Variants in APBA2 observed in about 807,000 individuals in gnomAD.
APBA2 encodes amyloid-beta A4 precursor protein-binding family A member 2.
A neutral mutation model predicts 75.0 loss-of-function variants in APBA2; 30 were observed. That is an observed-to-expected ratio of 0.40 (90% CI 0.30 to 0.54). The LOEUF is 0.54. Ranked by LOEUF, APBA2 falls within the 20% of genes least tolerant of loss-of-function variation. The probability of loss-of-function intolerance (pLI) is 0.49; values close to 1 mark genes in which losing one functional copy is unlikely to be tolerated. For synonymous variants in APBA2, 444 were observed against 409.6 expected (o/e 1.08, Z -1.01); for missense variants, 801 against 1,016.1 (o/e 0.79, Z 2.88).
chr15:28,934,500 G>A (rs952567213), intron 2 of APBA2, among the ~76,000 whole-genome samples: 2 of 152,204 alleles, frequency 1.3e-5, no homozygotes, highest in African/African-American at 2.4e-5. Context: ...GTAGTGACCA[G>A]TGACATCCCC....
chr15:28,961,982 G>A (rs900173665), intron 2 of APBA2, among the ~76,000 whole-genome samples: 4 of 152,150 alleles, frequency 2.6e-5, no homozygotes, highest in Non-Finnish European at 5.9e-5. Flanking sequence ...AGAAAAGGCC[G>A]GGTGGCATGT....
At chr15:29,076,546 G>A (rs2042860917) in intron 6 of APBA2, among the ~76,000 whole-genome samples, 1 of 151,650 alleles carries the variant, frequency 6.6e-6, no homozygotes, top group Non-Finnish European at 1.5e-5. Context: ...GAATGAAACT[G>A]GTCGATATGT....
At chr15:29,039,996 G>A (rs2152860835) in intron 3 of APBA2, among the ~76,000 whole-genome samples, 1 of 152,328 alleles carries the variant, frequency 6.6e-6, no homozygotes, top group South Asian at 2.1e-4. Context: ...ACTGATTTGG[G>A]AAATAGCACA....
intron 1 of APBA2, among the ~76,000 whole-genome samples, chr15:28,906,778 C>T (rs940651392): frequency 2.0e-5 from 3 of 152,158 alleles, no homozygotes; most frequent in African/African-American, 7.2e-5. Context: ...GTGCTTAATA[C>T]TAATTTGAAT....
intron 3 of APBA2, among the ~76,000 whole-genome samples, chr15:29,039,504 C>G (rs947533095): frequency 3.3e-5 from 5 of 152,086 alleles, no homozygotes; most frequent in Admixed American, 6.5e-5. Context: ...TGTCAGCCAC[C>G]CAGAGTGTCC....
intron 2 of APBA2, among the ~76,000 whole-genome samples, chr15:28,978,916 T>A (rs2037478543): frequency 2.0e-5 from 3 of 152,234 alleles, no homozygotes; most frequent in African/African-American, 7.2e-5. Context: ...AGCATTTGAT[T>A]AGTCCAAAGG....
At chr15:29,093,826 CCAGCCCT>C (rs2043706967) in intron 7 of APBA2, among the ~76,000 whole-genome samples, 2 of 152,268 alleles carry the variant, frequency 1.3e-5, no homozygotes, top group African/African-American at 4.8e-5. Flanking sequence ...AACCTCCTCC[CCAGCCCT>C]CACCATACAC....
At chr15:28,917,263 A>G (rs1030135150) in intron 1 of APBA2, among the ~76,000 whole-genome samples, 52 of 152,186 alleles carry the variant, frequency 3.4e-4, no homozygotes, top group African/African-American at 1.2e-3. Flanking sequence ...ACACTCCTCA[A>G]TTTGGAGAGA....
intron 3 of APBA2, among the ~76,000 whole-genome samples, chr15:29,025,263 ATT>A (rs199811660): frequency 1.2e-3 from 166 of 138,054 alleles, no homozygotes; most frequent in South Asian, 4.4e-3. Flanking sequence ...AAGAATTGGG[ATT>A]TTTTTTTTTT....
chr15:29,041,275 G>A (rs1450989670), intron 3 of APBA2, among the ~76,000 whole-genome samples: 2 of 151,988 alleles, frequency 1.3e-5, no homozygotes, highest in Non-Finnish European at 2.9e-5. Flanking sequence ...GTTTAAGATC[G>A]GCATGGGCAA....
At chr15:28,972,694 G>A (rs967627796) in intron 2 of APBA2, among the ~76,000 whole-genome samples, 5 of 152,214 alleles carry the variant, frequency 3.3e-5, no homozygotes, top group Non-Finnish European at 7.3e-5. Flanking sequence ...GAATCAGCTG[G>A]CATTAGTGAT....
chr15:28,913,805 G>A (rs952215918), intron 1 of APBA2, among the ~76,000 whole-genome samples: 22 of 152,162 alleles, frequency 1.4e-4, no homozygotes, highest in African/African-American at 3.9e-4. Flanking sequence ...CATTGTATTC[G>A]GTGACTTTGA....
At chr15:28,902,875 C>G (rs951204066) in intron 1 of APBA2, among the ~76,000 whole-genome samples, 3 of 152,130 alleles carry the variant, frequency 2.0e-5, no homozygotes, top group South Asian at 2.1e-4. Context: ...CTTTACTGTT[C>G]CCATGAAAAC....
intron 6 of APBA2, among the ~76,000 whole-genome samples, chr15:29,084,460 C>A (rs2043204609): frequency 6.6e-6 from 1 of 152,180 alleles, no homozygotes; most frequent in Non-Finnish European, 1.5e-5. Context: ...TACACCCTGA[C>A]CCTTTCCCAG....
At chr15:29,016,267 A>G (rs2039658451) in intron 3 of APBA2, among the ~76,000 whole-genome samples, 1 of 152,190 alleles carries the variant, frequency 6.6e-6, no homozygotes, top group Non-Finnish European at 1.5e-5. Context: ...AAAAACAAAC[A>G]AACAAGCAGA....
At position 29,046,161 on chromosome 15, in the gene APBA2, G is replaced by A. The variant is rs1285200783; in HGVS notation, c.-40-7684G>A. On this transcript the variant is annotated intron_variant, in intron 3 of 14. Coordinates refer to ENST00000683413, the MANE Select transcript of APBA2 (RefSeq NM_001353788.2). This position sits in a 1 kb window ranked among gnomAD's most constrained non-coding sequence, Gnocchi z 5.0. ...AAATGGAATTCTTTATCATAAGGCT[G>A]CAAACTGCTTCTGTGCAAAAGGCAA... Among the ~76,000 whole-genome samples the A allele has an allele frequency of 1.3e-5, 2 of 152,220 alleles. No individual in the cohort carries two copies. Among genetic ancestry groups the A allele is most frequent in the Admixed American group, 1.3e-4 (2 of 15,286 alleles).
intron 3 of APBA2, among the ~76,000 whole-genome samples, chr15:29,027,803 G>A (rs1011499872): frequency 7.3e-5 from 11 of 151,700 alleles, no homozygotes; most frequent in Non-Finnish European, 2.9e-5. Flanking sequence ...GGGTTTCACC[G>A]TGTTAGCCAG....
At chr15:29,077,097 C>G (rs1395011084) in intron 6 of APBA2, among the ~76,000 whole-genome samples, 1 of 152,158 alleles carries the variant, frequency 6.6e-6, no homozygotes, top group Non-Finnish European at 1.5e-5. Context: ...AGACTTGGTT[C>G]CATTTTGACC....
At chr15:29,057,283 A>G (rs761400722) in intron 4 of APBA2, among the ~76,000 whole-genome samples, 1 of 152,240 alleles carries the variant, frequency 6.6e-6, no homozygotes, top group Non-Finnish European at 1.5e-5. Context: ...CATTTCAACA[A>G]GATGCCACAT....
Sources: gnomAD v4.1 joint callset for allele counts (sites outside exome capture counted in the v4.1 genomes callset) on GRCh38, gnomAD v4.1.1 for gene constraint, Gnocchi (gnomAD v3.1) non-coding constraint, MANE v1.5 for transcripts, NCBI Gene and HGNC (gene_info 2026-07-23, HGNC 2026-07-21) for gene names.